The following SYNE2 variants were observed in gnomAD, a reference collection of about 807,000 sequenced individuals.
SYNE2 encodes spectrin repeat containing nuclear envelope protein 2.
SYNE2 carries 431 observed loss-of-function variants against 856.3 expected under a neutral mutation model. The observed-to-expected ratio is 0.50, with a 90% CI of 0.47 to 0.55. SYNE2 has a LOEUF of 0.55. SYNE2 is among the 20% of genes least tolerant of loss of function. The pLI is 0.00. For missense variants in SYNE2, 8,129 were observed against 8,023.2 expected, an observed-to-expected ratio of 1.01 and a Z score of -0.50; for synonymous variants, 2,923 against 2,872.3, an observed-to-expected ratio of 1.02 and a Z score of -0.56.
At chr14:64,060,350 T>C (rs1265990909) in intron 49 of SYNE2, among the ~76,000 whole-genome samples, 1 of 151,690 alleles carries the variant, frequency 6.6e-6, no homozygotes, top group African/African-American at 2.4e-5. Context: ...TAGGGCTCTT[T>C]AGTCAGCAGG....
intron 1 of SYNE2, among the ~76,000 whole-genome samples, chr14:63,887,083 C>G (rs2095005473): frequency 6.6e-6 from 1 of 152,130 alleles, no homozygotes; most frequent in South Asian, 2.1e-4. Context: ...GAGATCAAGA[C>G]CGTCCTGGTC....
chr14:64,040,388 T>C (rs2097138955), intron 45 of SYNE2, among the ~76,000 whole-genome samples: 1 of 151,742 alleles, frequency 6.6e-6, no homozygotes, highest in African/African-American at 2.4e-5. Flanking sequence ...TACAGTACTT[T>C]GAGAACAAAA....
At chr14:64,136,205 G>A (rs918767572) in intron 78 of SYNE2, among the ~76,000 whole-genome samples, 10 of 150,502 alleles carry the variant, frequency 6.6e-5, no homozygotes, top group African/African-American at 1.7e-4. Context: ...CAGGAGAATC[G>A]CTGGAACCCG....
intron 49 of SYNE2, among the ~76,000 whole-genome samples, chr14:64,060,425 G>A (rs933587959): frequency 4.6e-5 from 7 of 152,168 alleles, no homozygotes; most frequent in Non-Finnish European, 7.4e-5. Context: ...GGCCCAGGGT[G>A]TGTCTGGAAA....
chr14:64,088,513 G>A lies in SYNE2; in HGVS notation c.11670+657G>A, dbSNP rs554293595. On this transcript the variant is annotated intron_variant, in intron 58 of 115. Coordinates refer to ENST00000555002, the MANE Select transcript of SYNE2 (RefSeq NM_182914.3). Reference sequence around the variant, plus strand: ...GTGCCCAGCACGGTGGCTCACGCCTGTAATCCCAGCATTTACGGAGGCAGA... The same window carrying A: ...GTGCCCAGCACGGTGGCTCACGCCTATAATCCCAGCATTTACGGAGGCAGA... Among the ~76,000 whole-genome samples the A allele has an allele frequency of 5.3e-5, 8 of 152,336 alleles. 1 individual carries two copies. In the South Asian group the frequency reaches 1.0e-3, roughly 20 times the overall value.
intron 82 of SYNE2, among the ~76,000 whole-genome samples, chr14:64,142,737 C>A (rs1042389741): frequency 1.3e-5 from 2 of 152,146 alleles, no homozygotes; most frequent in African/African-American, 4.8e-5. Context: ...ACCTGCCTTC[C>A]TCTAACAGGT....
intron 1 of SYNE2, among the ~76,000 whole-genome samples, chr14:63,880,727 C>T (rs994539465): frequency 1.0e-4 from 15 of 146,766 alleles, no homozygotes; most frequent in Admixed American, 5.6e-4. Flanking sequence ...GGCTGGAGTA[C>T]AGTGGTGTAA....
intron 1 of SYNE2, among the ~76,000 whole-genome samples, chr14:63,898,638 C>G (rs901627328): frequency 6.6e-6 from 1 of 152,140 alleles, no homozygotes; most frequent in Non-Finnish European, 1.5e-5. Flanking sequence ...CTCCTGGCCT[C>G]AAGCGATTCG....
At chr14:64,191,218 G>A (rs1224820495) in intron 99 of SYNE2, 1 of 263,958 alleles carries the variant, frequency 3.8e-6, no homozygotes, top group East Asian at 7.3e-5. Flanking sequence ...ATTAAGTTTG[G>A]CATCTTCTTT....
At chr14:63,951,010 C>G (rs536849968) in intron 7 of SYNE2, among the ~76,000 whole-genome samples, 3 of 144,836 alleles carry the variant, frequency 2.1e-5, no homozygotes, top group East Asian at 2.0e-4. Context: ...GTGCTCATAT[C>G]TTTTTTTTTT....
At chr14:64,091,375 A>T (rs535292955) in intron 60 of SYNE2, among the ~76,000 whole-genome samples, 5 of 152,234 alleles carry the variant, frequency 3.3e-5, no homozygotes, top group Admixed American at 2.6e-4. Context: ...AATCATCACC[A>T]TAGTAATCTC....
chr14:64,049,590 A>G (rs1567153122), intron 46 of SYNE2, 21 bp from the exon 47 acceptor site: 2 of 1,613,216 alleles, frequency 1.2e-6, no homozygotes, highest in Non-Finnish European at 8.5e-7. Context: ...TTATTGACTG[A>G]TCTGTGTGAC....
At chr14:64,161,436 G>A (rs1236176240) in intron 87 of SYNE2, among the ~76,000 whole-genome samples, 1 of 151,866 alleles carries the variant, frequency 6.6e-6, no homozygotes, top group Non-Finnish European at 1.5e-5. Flanking sequence ...TTCTATGTAA[G>A]GAACATTTGT....
At chr14:63,983,639 CAT>C in intron 17 of SYNE2, 96 bp from the exon 18 acceptor site, 1 of 1,024,572 alleles carries the variant, frequency 9.8e-7, no homozygotes, top group Admixed American at 2.0e-5. Flanking sequence ...TAATCCTAAA[CAT>C]ATATTTGAAT....
chr14:63,886,203 A>G (rs962320118), intron 1 of SYNE2, among the ~76,000 whole-genome samples: 25 of 152,210 alleles, frequency 1.6e-4, no homozygotes, highest in African/African-American at 5.3e-4. Context: ...ACATACATAC[A>G]GGGAAACACA....
chr14:64,002,834 A>C lies in SYNE2; in HGVS notation c.3901A>C (p.Ile1301Leu). The change falls in exon 30 of 116, where the codon ATA becomes CTA. Residue 1301 changes from isoleucine (I) to leucine (L), a missense_variant. Ile to Leu is a conservative substitution (Grantham distance 5). Coordinates refer to ENST00000555002, the MANE Select transcript of SYNE2 (RefSeq NM_182914.3). ...TGATCTACACGCAATGCAGAATATTATACTGAAATACAAAACACAATTTGA... is the reference window on the plus strand; with the variant it reads ...TGATCTACACGCAATGCAGAATATTCTACTGAAATACAAAACACAATTTGA... ...PFDLHAMQNI[I>L]LKYKTQFEGM... The C allele has an allele frequency of 6.2e-7, 1 of 1,614,196 alleles. No individual in the cohort carries two copies. The highest frequency in any genetic ancestry group is 8.5e-7 in the Non-Finnish European group (1 of 1,180,032).
rs771912431 is a variant in SYNE2, at chr14:64,186,495, C to T, written c.17628C>T (p.Thr5876=). The T allele has an allele frequency of 1.1e-5, 18 of 1,614,158 alleles. No homozygotes were observed. The highest frequency in any genetic ancestry group is 1.5e-5 in the Non-Finnish European group (18 of 1,180,036). Residue 5876 remains threonine (T), a synonymous_variant, in exon 97 of 116, where the codon ACC becomes ACT. Coordinates refer to ENST00000555002, the MANE Select transcript of SYNE2 (RefSeq NM_182914.3). ...TTCAAACTATGAAGGCGGACTTAAC[C>T]CGGCACGTTCTCGTGGAAGATGTGA... ...KELQTMKADL[T]RHVLVEDVMV...
chr14:63,994,139 TA>T (rs925205207), intron 22 of SYNE2, among the ~76,000 whole-genome samples, 170 bp downstream of exon 22: 1 of 152,176 alleles, frequency 6.6e-6, no homozygotes, highest in African/African-American at 2.4e-5. Context: ...GGAATAGGTC[TA>T]GGCTTTGGTG....
intron 21 of SYNE2, among the ~76,000 whole-genome samples, chr14:63,992,902 T>C (rs1017803626): frequency 1.3e-5 from 2 of 152,124 alleles, no homozygotes; most frequent in African/African-American, 4.8e-5. Flanking sequence ...GTGTAATGAG[T>C]GAATGAGCGA....
Sources: gnomAD v4.1 joint callset for allele counts (sites outside exome capture counted in the v4.1 genomes callset) on GRCh38, gnomAD v4.1.1 for gene constraint, MANE v1.5 for transcripts, NCBI Gene and HGNC (gene_info 2026-07-23, HGNC 2026-07-21) for gene names.